Variants in MSI2 observed in about 807,000 individuals in gnomAD.
MSI2 encodes RNA-binding protein Musashi homolog 2.
MSI2 carries 17 observed loss-of-function variants against 45.6 expected under a neutral mutation model. The observed-to-expected ratio is 0.37, with a 90% CI of 0.26 to 0.56. MSI2 has a LOEUF of 0.56. MSI2 is among the 20% of genes least tolerant of loss of function. The probability of loss-of-function intolerance (pLI) is 0.77; values close to 1 mark genes in which losing one functional copy is unlikely to be tolerated. For synonymous variants in MSI2, 156 were observed against 158.2 expected, an observed-to-expected ratio of 0.99 and a Z score of 0.11; for missense variants, 293 against 444.2, an observed-to-expected ratio of 0.66 and a Z score of 3.06.
At chr17:57,326,430 C>T (rs917156462) in intron 5 of MSI2, among the ~76,000 whole-genome samples, 3 of 152,092 alleles carry the variant, frequency 2.0e-5, no homozygotes, top group African/African-American at 4.8e-5. Flanking sequence ...ACATCCAAAC[C>T]GATTTGGCCC....
chr17:57,423,499 T>C (rs1345982765), intron 6 of MSI2, among the ~76,000 whole-genome samples: 3 of 152,222 alleles, frequency 2.0e-5, no homozygotes, highest in African/African-American at 4.8e-5. Context: ...TTCTATTCTG[T>C]TGGCCAGCGC....
At chr17:57,671,937 CAGAG>C (rs1371729610) in intron 11 of MSI2, among the ~76,000 whole-genome samples, 1 of 152,222 alleles carries the variant, frequency 6.6e-6, no homozygotes, top group South Asian at 2.1e-4. Flanking sequence ...CAGAGACAGA[CAGAG>C]AGAAGTGTCG....
chr17:57,648,375 T>C (rs1910865197), intron 10 of MSI2, among the ~76,000 whole-genome samples: 1 of 152,176 alleles, frequency 6.6e-6, no homozygotes, highest in African/African-American at 2.4e-5. Flanking sequence ...AATCCTGCAC[T>C]AAAATGGTCA....
intron 9 of MSI2, among the ~76,000 whole-genome samples, chr17:57,618,607 G>C (rs11655545): frequency 6.6e-6 from 1 of 151,976 alleles, no homozygotes; most frequent in African/African-American, 2.4e-5. Flanking sequence ...GCCGTGGCGC[G>C]ATCTCAGCTC....
At chr17:57,445,484 TG>T (rs1349913440) in intron 6 of MSI2, among the ~76,000 whole-genome samples, 2 of 151,566 alleles carry the variant, frequency 1.3e-5, no homozygotes, top group African/African-American at 4.9e-5. Flanking sequence ...TCAGCACCTT[TG>T]GGGTCTTTTG....
intron 6 of MSI2, among the ~76,000 whole-genome samples, chr17:57,492,965 A>T (rs2085905256): frequency 6.6e-6 from 1 of 151,976 alleles, no homozygotes; most frequent in Non-Finnish European, 1.5e-5. Context: ...CACTCTGGGG[A>T]GATGAGAATT....
chr17:57,309,391 A>G (rs1912179748), intron 5 of MSI2, among the ~76,000 whole-genome samples: 1 of 152,202 alleles, frequency 6.6e-6, no homozygotes, highest in South Asian at 2.1e-4. Context: ...CTGACAGCTC[A>G]TATTCCCCCT....
In MSI2 at chr17:57,468,716, C is replaced by T. The variant is rs955457273; in HGVS notation, c.406-60960C>T. 6.6e-5 allele frequency among the ~76,000 whole-genome samples: 10 copies of T among 152,110 alleles called. No homozygotes were observed. The East Asian group carries it at 1.7e-3, about 27-fold the overall frequency. ...TGAGGTCTTGAGCTGTCATCAGTGC[C>T]GGGGGATGCAGTCGGTGTGGTAGAG... On this transcript the variant is annotated intron_variant, in intron 6 of 13. Transcript: ENST00000284073.
intron 5 of MSI2, chr17:57,279,936 A>C (rs1393152979): frequency 6.6e-6 from 1 of 152,118 alleles, no homozygotes; most frequent in Non-Finnish European, 1.5e-5. Flanking sequence ...CGTGAGCCAC[A>C]GTGCCTGGCC....
chr17:57,588,690 A>G (rs1171133909), intron 7 of MSI2, among the ~76,000 whole-genome samples: 1 of 151,760 alleles, frequency 6.6e-6, no homozygotes, highest in Non-Finnish European at 1.5e-5. Flanking sequence ...ATCTTTCCCC[A>G]CTCTCTCCTT....
intron 8 of MSI2, among the ~76,000 whole-genome samples, chr17:57,600,609 G>C (rs1006103931): frequency 1.3e-5 from 2 of 152,156 alleles, no homozygotes; most frequent in Non-Finnish European, 2.9e-5. Flanking sequence ...CCATGCAGAA[G>C]GGCCAGGAGA....
intron 5 of MSI2, among the ~76,000 whole-genome samples, chr17:57,326,686 C>T (rs956065244): frequency 2.6e-5 from 4 of 152,164 alleles, no homozygotes; most frequent in Non-Finnish European, 5.9e-5. Context: ...TACTTATTTC[C>T]GCTCATTTGA....
intron 5 of MSI2, chr17:57,279,563 C>G (rs535202109): frequency 2.0e-5 from 3 of 152,172 alleles, no homozygotes; most frequent in Non-Finnish European, 2.9e-5. Context: ...CAACTCAGTC[C>G]CTGCCCTTGT....
chr17:57,472,500 A>T (rs1184768331), intron 6 of MSI2, among the ~76,000 whole-genome samples: 1 of 62,012 alleles, frequency 1.6e-5, no homozygotes, highest in African/African-American at 4.3e-5. Context: ...ATTGAAGGTG[A>T]TGGGAAGGGA....
At chr17:57,691,200 CATCTATCT>C in the MSI2 span, among the ~76,000 whole-genome samples, 34,211 of 140,000 alleles carry the variant, frequency 0.24, 4,653 homozygotes, top group African/African-American at 0.35. Flanking sequence ...CTCTCTCTCT[CATCTATCT>C]ATCTATCTAT....
chr17:57,507,223 CTCTGTGTGTGTG>C (rs1390981246), intron 6 of MSI2, among the ~76,000 whole-genome samples: 4,199 of 109,816 alleles, frequency 0.038, 237 homozygotes, highest in East Asian at 0.12. Context: ...GTCTTTGTCT[CTCTGTGTGTGTG>C]TGTGTGTGTG....
At chr17:57,561,198 C>A (rs996431388) in intron 7 of MSI2, among the ~76,000 whole-genome samples, 3 of 152,122 alleles carry the variant, frequency 2.0e-5, no homozygotes, top group Admixed American at 1.3e-4. Context: ...AAACCACAGC[C>A]CTGAGATGGA....
At chr17:57,638,447 G>T (rs999435154) in intron 10 of MSI2, among the ~76,000 whole-genome samples, 1 of 152,204 alleles carries the variant, frequency 6.6e-6, no homozygotes, top group South Asian at 2.1e-4. Flanking sequence ...AGCATCCCAC[G>T]TGCGGCCAGA....
chr17:57,698,901 G>A, the MSI2 span, among the ~76,000 whole-genome samples: 1 of 100,058 alleles, frequency 1.0e-5, no homozygotes, highest in Admixed American at 8.9e-5. Flanking sequence ...AAGTGTGTGT[G>A]TGTGTGTGTG....
Sources: allele counts gnomAD v4.1 joint callset (sites outside exome capture counted in the v4.1 genomes callset), GRCh38; gene constraint gnomAD v4.1.1; transcripts MANE v1.5; gene names NCBI Gene and HGNC (gene_info 2026-07-23, HGNC 2026-07-21).